Variants in ACTR3 observed in about 807,000 individuals in gnomAD.
The protein encoded by ACTR3 is actin related protein 3.
Under a neutral mutation model 56.8 loss-of-function variants are expected in ACTR3, and 12 were observed. The observed-to-expected ratio is 0.21, with a 90% CI of 0.14 to 0.34. The LOEUF (loss-of-function observed/expected upper bound fraction) is 0.34. Among genes scored for constraint, ACTR3 ranks in the 10% least tolerant of loss-of-function variants. ACTR3 has a pLI of 1.00. For synonymous variants in ACTR3, 162 were observed against 167.4 expected, an observed-to-expected ratio of 0.97 and a Z score of 0.25; for missense variants, 282 against 512.5, an observed-to-expected ratio of 0.55 and a Z score of 4.34.
intron 11 of ACTR3, among the ~76,000 whole-genome samples, chr2:113,956,673 A>G (rs975016345): frequency 1.3e-5 from 2 of 152,226 alleles, no homozygotes. Flanking sequence ...CCATTAACCT[A>G]GGAAGTATTG....
At chr2:113,928,319 G>A (rs578200905) in intron 4 of ACTR3, among the ~76,000 whole-genome samples, 77 of 152,204 alleles carry the variant, frequency 5.1e-4, no homozygotes, top group Non-Finnish European at 9.4e-4. Flanking sequence ...GCTTCATGAC[G>A]TCTATCCATC....
intron 3 of ACTR3, among the ~76,000 whole-genome samples, chr2:113,926,403 G>A (rs1031451562): frequency 6.6e-6 from 1 of 152,156 alleles, no homozygotes; most frequent in Non-Finnish European, 1.5e-5. Flanking sequence ...TGAATTTATG[G>A]TAGTACACTG....
intron 1 of ACTR3, 26 bp downstream of exon 1, chr2:113,890,349 G>A (rs1678861402): frequency 6.8e-7 from 1 of 1,474,170 alleles, no homozygotes; most frequent in Non-Finnish European, 9.2e-7. Flanking sequence ...GGCGGGGGTG[G>A]GGAAACTGAG....
At chr2:113,941,634 C>T (rs947344799) in intron 7 of ACTR3, among the ~76,000 whole-genome samples, 12 of 151,936 alleles carry the variant, frequency 7.9e-5, no homozygotes, top group Admixed American at 1.3e-4. Context: ...ATATATTTTT[C>T]AGTGTTTTTG....
intron 1 of ACTR3, among the ~76,000 whole-genome samples, chr2:113,895,983 C>T (rs752411314): frequency 2.6e-5 from 4 of 152,080 alleles, no homozygotes; most frequent in Admixed American, 6.5e-5. Context: ...CTCAGTCCCC[C>T]GAGTAGCTGG....
chr2:113,903,111 A>C (rs1679131860), intron 1 of ACTR3, among the ~76,000 whole-genome samples: 1 of 152,184 alleles, frequency 6.6e-6, no homozygotes, highest in Non-Finnish European at 1.5e-5. Context: ...TTATAACTGG[A>C]AACTTGTATA....
At chr2:113,893,774 C>T (rs1257568113) in intron 1 of ACTR3, among the ~76,000 whole-genome samples, 1 of 151,844 alleles carries the variant, frequency 6.6e-6, no homozygotes, top group Non-Finnish European at 1.5e-5. Flanking sequence ...TAAATTAGTT[C>T]CACTGATTAT....
rs752737384 is a variant in ACTR3, at chr2:113,961,525, T to G, written c.*4070T>G. The G allele has an allele frequency of 1.3e-5, 2 of 152,034 alleles. No individual in the cohort carries two copies. The highest frequency in any genetic ancestry group is 2.9e-5 in the Non-Finnish European group (2 of 67,908). The allele number at this position is 152,034 out of a possible 1,614,324, so 9.4% of individuals were successfully genotyped here. On this transcript the variant is annotated 3_prime_UTR_variant, in exon 12 of 12. Coordinates refer to ENST00000263238, the MANE Select transcript of ACTR3 (RefSeq NM_005721.5). ...TGTCAATTTTTGGTGACTTTTATAA[T>G]TACATTAAAACTAAGATGCTGAATT...
rs1242729885 is a variant in ACTR3 at position 113,962,063 on chromosome 2, TTAAAA to T, written c.*4614_*4618del. 8 of 152,132 alleles carry T rather than the reference TTAAAA, an allele frequency of 5.3e-5. No individual in the cohort carries two copies. The East Asian group carries it at 9.6e-4, about 18-fold the overall frequency. 9.4% of individuals were successfully genotyped at this position (152,132 alleles called of 1,614,324 possible). ...GAATGAGTAAAAATTATTTTTCATG[TTAAAA>T]TAAAACTTTGAATTACATGAGTATA... On this transcript the variant is annotated 3_prime_UTR_variant, in exon 12 of 12. Transcript: ENST00000263238.
chr2:113,916,835 T>C (rs1187479711), intron 2 of ACTR3, 49 bp from the exon 3 acceptor site: 2 of 1,527,946 alleles, frequency 1.3e-6, no homozygotes, highest in Admixed American at 4.0e-5. Context: ...TAAAAGTTTT[T>C]CTCATTTGAG....
chr2:113,951,725 T>G lies in ACTR3; in HGVS notation c.957T>G (p.Ile319Met). The G allele has an allele frequency of 6.2e-7, 1 of 1,605,514 alleles. No homozygotes were observed. Among genetic ancestry groups the G allele is most frequent in the Non-Finnish European group, 8.5e-7 (1 of 1,174,490 alleles). Residue 319 changes from isoleucine (I) to methionine (M), a missense_variant, in exon 10 of 12, where the codon ATT becomes ATG. Transcript: ENST00000263238. ...IDVRRPLYKN[I>M]VLSGGSTMFR... ...ATTTATTTTCTCTCCACTAGAATAT[T>G]GTCCTCTCTGGAGGTTCAACCATGT...
chr2:113,933,432 C>T (rs1472982012), intron 5 of ACTR3, among the ~76,000 whole-genome samples: 1 of 152,002 alleles, frequency 6.6e-6, no homozygotes, highest in Non-Finnish European at 1.5e-5. Flanking sequence ...TGCTTGAACC[C>T]AAGAGGCGGA....
chr2:113,890,373 G>A (rs2104574016), intron 1 of ACTR3, 50 bp downstream of exon 1: 21 of 1,246,500 alleles, frequency 1.7e-5, no homozygotes, highest in Non-Finnish European at 2.3e-5. Context: ...GAGGAAGGAA[G>A]ATGGCGGGGG....
chr2:113,938,098 CTG>C (rs1679860567), intron 6 of ACTR3, among the ~76,000 whole-genome samples: 1 of 151,996 alleles, frequency 6.6e-6, no homozygotes, highest in South Asian at 2.1e-4. Flanking sequence ...TTTTTCTTCA[CTG>C]TGTAGTCCAC....
At chr2:113,902,755 A>C (rs1177387126) in intron 1 of ACTR3, among the ~76,000 whole-genome samples, 1 of 152,066 alleles carries the variant, frequency 6.6e-6, no homozygotes, top group Non-Finnish European at 1.5e-5. Context: ...GCCCGTCACC[A>C]CGCCTGGCTA....
intron 11 of ACTR3, among the ~76,000 whole-genome samples, chr2:113,957,066 A>G (rs776663815): frequency 2.8e-4 from 42 of 152,334 alleles, no homozygotes; most frequent in Non-Finnish European, 2.4e-4. Context: ...AACAGAACAG[A>G]CTGGACATTT....
chr2:113,957,392 G>C lies in ACTR3; in HGVS notation c.1194G>C (p.Lys398Asn). ...TCTACCAAGTATGCCACACCAAAAA[G>C]GATTATGAAGAAATTGGACCTAGCA... ...PEFYQVCHTK[K>N]DYEEIGPSIC... The change falls in exon 12 of 12, where the codon AAG (lysine) becomes AAC (asparagine). Residue 398 changes from lysine to asparagine, a missense_variant. Physicochemically the swap from Lys to Asn is moderately conservative, Grantham distance 94. Coordinates refer to ENST00000263238, the MANE Select transcript of ACTR3 (RefSeq NM_005721.5). 1 of 1,613,228 alleles carries C rather than the reference G, an allele frequency of 6.2e-7. No individual in the cohort carries two copies. Among genetic ancestry groups the C allele is most frequent in the Non-Finnish European group, 8.5e-7 (1 of 1,179,518 alleles).
intron 8 of ACTR3, among the ~76,000 whole-genome samples, chr2:113,947,191 T>C (rs1223316714): frequency 6.6e-6 from 1 of 152,186 alleles, no homozygotes; most frequent in Non-Finnish European, 1.5e-5. Flanking sequence ...ATATTAAAGC[T>C]CCAAGTTGGG....
chr2:113,955,249 A>AT (rs1249228705), intron 10 of ACTR3: 1 of 156,480 alleles, frequency 6.4e-6, no homozygotes, highest in Non-Finnish European at 1.4e-5. Flanking sequence ...TAGTGTGCTT[A>AT]TGTTTGAAAA....
Sources: allele counts gnomAD v4.1 joint callset (sites outside exome capture counted in the v4.1 genomes callset), GRCh38; gene constraint gnomAD v4.1.1; transcripts MANE v1.5; gene names NCBI Gene and HGNC (gene_info 2026-07-23, HGNC 2026-07-21).